The following LRRTM4 variants were observed in gnomAD, a reference collection of about 807,000 sequenced individuals.
LRRTM4 encodes the protein leucine rich repeat transmembrane neuronal 4.
Under a neutral mutation model 47.6 loss-of-function variants are expected in LRRTM4, and 25 were observed. The observed-to-expected ratio is 0.53, with a 90% CI of 0.38 to 0.73. The LOEUF is 0.73. Ranked by LOEUF, LRRTM4 falls within the 30% of genes least tolerant of loss-of-function variation. LRRTM4 has a pLI of 0.00. For missense variants in LRRTM4, 638 were observed against 713.4 expected (o/e 0.89, Z 1.20); for synonymous variants, 311 against 269.5 (o/e 1.15, Z -1.51).
intron 3 of LRRTM4, among the ~76,000 whole-genome samples, chr2:77,203,394 T>G (rs542012958): frequency 6.6e-6 from 1 of 152,186 alleles, no homozygotes; most frequent in East Asian, 1.9e-4. Context: ...GGTCACATGG[T>G]CACTTTCGGA....
chr2:77,309,341 A>C (rs1342525168), intron 3 of LRRTM4, among the ~76,000 whole-genome samples: 4 of 152,204 alleles, frequency 2.6e-5, no homozygotes, highest in Non-Finnish European at 4.4e-5. Flanking sequence ...AACTTCGTTG[A>C]CCTTCTAAGC....
chr2:76,951,856 C>T (rs146186733), intron 3 of LRRTM4, among the ~76,000 whole-genome samples: 2,014 of 151,884 alleles, frequency 0.013, 47 homozygotes, highest in African/African-American at 0.047. Context: ...TGTTCAACTC[C>T]CATTTATGAG....
chr2:76,758,225 A>C (rs566126316), intron 3 of LRRTM4, among the ~76,000 whole-genome samples: 1 of 152,154 alleles, frequency 6.6e-6, no homozygotes, highest in African/African-American at 2.4e-5. Context: ...AATGCCTCCA[A>C]TCTGACAGTA....
intron 3 of LRRTM4, chr2:77,517,854 C>A (rs1365921561): frequency 1.0e-6 from 1 of 986,226 alleles, no homozygotes; most frequent in Non-Finnish European, 1.2e-6. Flanking sequence ...ACAAAATCAA[C>A]CCTTGGGAAA....
chr2:77,241,030 T>G (rs2103989939), intron 3 of LRRTM4, among the ~76,000 whole-genome samples: 1 of 152,098 alleles, frequency 6.6e-6, no homozygotes, highest in Non-Finnish European at 1.5e-5. Context: ...CATATTAGAA[T>G]TTTTAAAAAT....
At chr2:77,413,286 C>T (rs934776902) in intron 3 of LRRTM4, among the ~76,000 whole-genome samples, 1 of 152,086 alleles carries the variant, frequency 6.6e-6, no homozygotes, top group African/African-American at 2.4e-5. Flanking sequence ...TTAGTTGCTG[C>T]GAAGGCTCAA....
intron 3 of LRRTM4, among the ~76,000 whole-genome samples, chr2:76,904,397 C>G (rs761992648): frequency 6.6e-6 from 1 of 152,184 alleles, no homozygotes; most frequent in Non-Finnish European, 1.5e-5. Context: ...GAAATCCTTC[C>G]GACTTGCTGG....
chr2:77,003,880 A>G (rs1031259051), intron 3 of LRRTM4, among the ~76,000 whole-genome samples: 7 of 152,156 alleles, frequency 4.6e-5, no homozygotes, highest in African/African-American at 1.7e-4. Flanking sequence ...AAAAGCTAAT[A>G]GTGTTATGAA....
At chr2:77,380,720 C>G (rs1006769961) in intron 3 of LRRTM4, among the ~76,000 whole-genome samples, 1 of 151,436 alleles carries the variant, frequency 6.6e-6, no homozygotes, top group Non-Finnish European at 1.5e-5. Flanking sequence ...CGCTTGAACC[C>G]GGGAGGCAGA....
At chr2:77,292,782 G>T (rs1241993062) in intron 3 of LRRTM4, among the ~76,000 whole-genome samples, 4 of 151,074 alleles carry the variant, frequency 2.6e-5, no homozygotes, top group African/African-American at 7.3e-5. Context: ...CACCAGCATG[G>T]CACATGTATA....
chr2:77,378,104 A>G (rs1214129877), intron 3 of LRRTM4, among the ~76,000 whole-genome samples: 1 of 151,926 alleles, frequency 6.6e-6, no homozygotes, highest in Non-Finnish European at 1.5e-5. Context: ...TGTATCTGTA[A>G]TTACAAATTA....
intron 3 of LRRTM4, among the ~76,000 whole-genome samples, chr2:76,766,998 G>C (rs1270836528): frequency 6.6e-6 from 1 of 152,132 alleles, no homozygotes; most frequent in African/African-American, 2.4e-5. Context: ...CTCCTACCTA[G>C]ATCTGATAAC....
At chr2:77,143,012 A>G (rs1041297735) in intron 3 of LRRTM4, among the ~76,000 whole-genome samples, 1 of 152,214 alleles carries the variant, frequency 6.6e-6, no homozygotes, top group African/African-American at 2.4e-5. Context: ...ACATTTAAAC[A>G]AAATGAGACA....
intron 3 of LRRTM4, among the ~76,000 whole-genome samples, chr2:77,143,929 C>CAT (rs1672190193): frequency 6.6e-6 from 1 of 152,074 alleles, no homozygotes; most frequent in Admixed American, 6.6e-5. Flanking sequence ...GTAGTCATCA[C>CAT]ATATAACTTA....
chr2:77,061,461 G>C (rs1318589945), intron 3 of LRRTM4, among the ~76,000 whole-genome samples: 2 of 152,080 alleles, frequency 1.3e-5, no homozygotes, highest in Admixed American at 1.3e-4. Context: ...TCCATTCAGT[G>C]TGATACAGAA....
intron 3 of LRRTM4, among the ~76,000 whole-genome samples, chr2:77,049,849 T>C (rs746434840): frequency 8.5e-5 from 13 of 152,180 alleles, no homozygotes; most frequent in Middle Eastern, 3.4e-3. Context: ...TGAGATCTTG[T>C]TCATGAAATC....
chr2:76,749,993 C>T (rs749466715), intron 3 of LRRTM4, among the ~76,000 whole-genome samples: 1 of 152,166 alleles, frequency 6.6e-6, no homozygotes, highest in Non-Finnish European at 1.5e-5. Flanking sequence ...TTTTAGGATG[C>T]TGAGGTTTGG....
intron 3 of LRRTM4, among the ~76,000 whole-genome samples, chr2:77,282,985 T>C (rs1676547953): frequency 6.6e-6 from 1 of 151,306 alleles, no homozygotes; most frequent in African/African-American, 2.4e-5. Context: ...AAAACAAAAA[T>C]TGACAAAAAG....
At chr2:76,794,239 T>C (rs1675134969) in intron 3 of LRRTM4, among the ~76,000 whole-genome samples, 1 of 152,230 alleles carries the variant, frequency 6.6e-6, no homozygotes, top group Non-Finnish European at 1.5e-5. Context: ...TTAGATTACC[T>C]GATTGTTTCT....
Sources: gnomAD v4.1 joint callset for allele counts (sites outside exome capture counted in the v4.1 genomes callset) on GRCh38, gnomAD v4.1.1 for gene constraint, MANE v1.5 for transcripts, NCBI Gene and HGNC (gene_info 2026-07-23, HGNC 2026-07-21) for gene names.